GPHN: variants seen among roughly 807,000 people sequenced by gnomAD.
The protein encoded by GPHN is gephyrin.
GPHN carries 17 observed loss-of-function variants against 95.5 expected under a neutral mutation model. The observed-to-expected ratio is 0.18, with a 90% confidence interval of 0.12 to 0.27. The LOEUF (loss-of-function observed/expected upper bound fraction) is 0.27. Ranked by LOEUF, GPHN falls within the 10% of genes least tolerant of loss-of-function variation. The pLI is 1.00. For missense variants in GPHN, 660 were observed against 978.1 expected, an observed-to-expected ratio of 0.67 and a Z score of 4.34; for synonymous variants, 320 against 322.5, an observed-to-expected ratio of 0.99 and a Z score of 0.08.
intron 1 of GPHN, among the ~76,000 whole-genome samples, chr14:66,637,093 T>C (rs1413917145): frequency 2.0e-5 from 3 of 152,164 alleles, no homozygotes; most frequent in Non-Finnish European, 4.4e-5. Flanking sequence ...TTCCAAAGAA[T>C]TGAAGAGTAA....
At chr14:67,515,462 T>G in the GPHN span, 1 of 169,104 alleles carries the variant, frequency 5.9e-6, no homozygotes, top group African/African-American at 2.4e-5. Context: ...ACGGATGCGC[T>G]GCAAACTGCA....
chr14:66,544,860 C>A (rs959870890), intron 1 of GPHN, among the ~76,000 whole-genome samples: 1 of 151,998 alleles, frequency 6.6e-6, no homozygotes, highest in African/African-American at 2.4e-5. Flanking sequence ...ATCCATTTAA[C>A]CCTGAGTGGA....
At chr14:67,433,567 T>TCAA in the GPHN span, among the ~76,000 whole-genome samples, 811 of 151,814 alleles carry the variant, frequency 5.3e-3, 28 homozygotes, top group Admixed American at 0.046. Flanking sequence ...ATCCTATAAT[T>TCAA]CAACAACAAC....
At chr14:66,950,526 T>C in intron 8 of GPHN, among the ~76,000 whole-genome samples, 1 of 152,210 alleles carries the variant, frequency 6.6e-6, no homozygotes, top group East Asian at 1.9e-4. Flanking sequence ...TCCTTCTATC[T>C]CAAAGAACTG....
chr14:67,597,056 C>A, the GPHN span, among the ~76,000 whole-genome samples: 1 of 152,204 alleles, frequency 6.6e-6, no homozygotes, highest in Non-Finnish European at 1.5e-5. Flanking sequence ...GGCCTGTGGT[C>A]TGGTTTTGTC....
chr14:67,405,163 G>A, the GPHN span, among the ~76,000 whole-genome samples: 1 of 148,894 alleles, frequency 6.7e-6, no homozygotes, highest in Non-Finnish European at 1.5e-5. Flanking sequence ...AATCCTGGAA[G>A]TGGAGGTTGC....
chr14:67,225,972 C>CGCGCGCGTGCGCATGCGCGT, the GPHN span, among the ~76,000 whole-genome samples: 1 of 107,260 alleles, frequency 9.3e-6, no homozygotes, highest in Admixed American at 9.5e-5. Context: ...TGCGCGCGCG[C>CGCGCGCGTGCGCATGCGCGT]GCGTGCGCAT....
At chr14:66,808,428 T>C (rs1394321545) in intron 3 of GPHN, among the ~76,000 whole-genome samples, 2 of 152,232 alleles carry the variant, frequency 1.3e-5, no homozygotes, top group Admixed American at 1.3e-4. Context: ...ATTTGTTAAG[T>C]GAATGATCTT....
chr14:67,694,835 G>A, the GPHN span, among the ~76,000 whole-genome samples: 2 of 152,172 alleles, frequency 1.3e-5, no homozygotes, highest in African/African-American at 2.4e-5. Flanking sequence ...GACTAAGACC[G>A]CCCACCTGGG....
intron 17 of GPHN, among the ~76,000 whole-genome samples, chr14:67,129,062 C>A (rs1158205172): frequency 6.6e-6 from 1 of 151,858 alleles, no homozygotes; most frequent in Non-Finnish European, 1.5e-5. Flanking sequence ...GTTCCACCTG[C>A]CTTGGCCTCC....
intron 1 of GPHN, among the ~76,000 whole-genome samples, chr14:66,517,052 C>T: frequency 6.7e-6 from 1 of 150,056 alleles, no homozygotes. Flanking sequence ...CACTTGAACC[C>T]CTGAGGCAGA....
intron 1 of GPHN, among the ~76,000 whole-genome samples, chr14:66,576,460 A>G (rs2060904152): frequency 6.6e-6 from 1 of 150,496 alleles, no homozygotes; most frequent in African/African-American, 2.5e-5. Flanking sequence ...AAAGATCTTC[A>G]TCAATTTACT....
chr14:66,833,974 T>A (rs2061688268), intron 4 of GPHN, among the ~76,000 whole-genome samples: 2 of 152,182 alleles, frequency 1.3e-5, no homozygotes, highest in South Asian at 4.1e-4. Context: ...AGCCCTAGCA[T>A]GCCCTTTTCA....
chr14:67,351,368 A>G, the GPHN span, among the ~76,000 whole-genome samples: 1 of 152,222 alleles, frequency 6.6e-6, no homozygotes, highest in African/African-American at 2.4e-5. Context: ...TAAAGAAAAA[A>G]AACTGTAAAG....
chr14:67,552,856 G>T, the GPHN span, among the ~76,000 whole-genome samples: 1 of 152,078 alleles, frequency 6.6e-6, no homozygotes, highest in Non-Finnish European at 1.5e-5. Flanking sequence ...CCCAGGGCTG[G>T]GAGGATACCC....
intron 2 of GPHN, among the ~76,000 whole-genome samples, chr14:66,696,069 G>T (rs2068081609): frequency 1.3e-5 from 2 of 152,190 alleles, no homozygotes; most frequent in African/African-American, 2.4e-5. Context: ...CTTCGTTGGG[G>T]TATGTTGATA....
At chr14:67,468,433 G>A in the GPHN span, among the ~76,000 whole-genome samples, 3 of 152,238 alleles carry the variant, frequency 2.0e-5, no homozygotes, top group African/African-American at 7.2e-5. Context: ...CTACAGTCAT[G>A]TACTCACTGT....
chr14:66,940,991 CA>C (rs976606763), intron 8 of GPHN, among the ~76,000 whole-genome samples: 4 of 152,106 alleles, frequency 2.6e-5, no homozygotes, highest in Non-Finnish European at 4.4e-5. Context: ...CTTACTTTCC[CA>C]AAAAGGAAAC....
At chr14:66,787,248 C>T (rs2059808813) in intron 3 of GPHN, among the ~76,000 whole-genome samples, 1 of 152,062 alleles carries the variant, frequency 6.6e-6, no homozygotes, top group East Asian at 1.9e-4. Context: ...ACACCATTTA[C>T]AATTGTTCAA....
Sources: allele counts gnomAD v4.1 joint callset (sites outside exome capture counted in the v4.1 genomes callset), GRCh38; gene constraint gnomAD v4.1.1; transcripts MANE v1.5; gene names NCBI Gene and HGNC (gene_info 2026-07-23, HGNC 2026-07-21).